The following BFSP1 variants were observed in gnomAD, a reference collection of about 807,000 sequenced individuals.
BFSP1 encodes the protein beaded filament structural protein 1, also known as filensin.
BFSP1 carries 38 observed loss-of-function variants against 43.9 expected under a neutral mutation model. The ratio of observed to expected loss-of-function variants is 0.87; its 90% CI spans 0.67 to 1.14. The LOEUF is 1.14. Ranked by LOEUF, BFSP1 falls within the 50% of genes most tolerant of loss-of-function variation. The probability of loss-of-function intolerance (pLI) is 0.00; values close to 1 mark genes in which losing one functional copy is unlikely to be tolerated. For synonymous variants in BFSP1, 352 were observed against 354.8 expected, an observed-to-expected ratio of 0.99 and a Z score of 0.09; for missense variants, 850 against 875.1, an observed-to-expected ratio of 0.97 and a Z score of 0.36.
In BFSP1 at chr20:17,529,090, T is replaced by TGTGTGTGTGTGTGTGTGTGTGA. The variant is rs577672397; in HGVS notation, c.377+1862_377+1863insTCACACACACACACACACACAC. ...GTGTGTGTGTGTGTGTGTGTGTGTGTGAGACAGAGTCTCACTCTGTCACCC... is the reference window on the plus strand; with the variant it reads ...GTGTGTGTGTGTGTGTGTGTGTGTGTGTGTGTGTGTGTGTGTGTGTGAGAGACAGAGTCTCACTCTGTCACCC... On this transcript the variant is annotated intron_variant, in intron 1 of 7. Coordinates refer to ENST00000377873, the MANE Select transcript of BFSP1 (RefSeq NM_001195.5). Among the ~76,000 whole-genome samples, 893 of 151,570 alleles carry TGTGTGTGTGTGTGTGTGTGTGA rather than the reference T, an allele frequency of 5.9e-3. 7 individuals are homozygous for TGTGTGTGTGTGTGTGTGTGTGA. The highest frequency in any genetic ancestry group is 0.02 in the African/African-American group (838 of 41,028).
chr20:17,564,541 A>G (rs1178077527), intron 1 of BFSP1, among the ~76,000 whole-genome samples: 2 of 152,098 alleles, frequency 1.3e-5, no homozygotes, highest in Non-Finnish European at 2.9e-5. Context: ...AACTAAACAC[A>G]ACCCTTACTA....
chr20:17,496,949 GA>G lies in BFSP1; in HGVS notation c.1030del (p.Ser344ProfsTer13). On this transcript the variant is annotated frameshift_variant, in exon 7 of 8. Coordinates refer to ENST00000377873, the MANE Select transcript of BFSP1 (RefSeq NM_001195.5). LOFTEE classifies it low-confidence loss of function (END_TRUNC). ...TTGGGGAGCGTTACCTTTCCCACCG[GA>G]TCCAGTGCTGAGAGAGACTCCATGG... ...QSHGVSLSTG[S>X]GGKDLTRALQ... The G allele has an allele frequency of 6.5e-7, 1 of 1,538,790 alleles. No individual in the cohort carries two copies. The highest frequency in any genetic ancestry group is 8.7e-7 in the Non-Finnish European group (1 of 1,143,612).
At chr20:17,535,366 TAAAAATACA>T (rs2034609965), upstream of BFSP1, among the ~76,000 whole-genome samples, 1 of 152,116 alleles carries the variant, frequency 6.6e-6, no homozygotes, top group South Asian at 2.1e-4. Flanking sequence ...CCATCTGTAC[TAAAAATACA>T]AAAAAATTAG....
chr20:17,516,044 T>C (rs572267446), intron 2 of BFSP1, among the ~76,000 whole-genome samples: 3 of 152,266 alleles, frequency 2.0e-5, no homozygotes, highest in South Asian at 2.1e-4. Flanking sequence ...GAAAGGCACT[T>C]GGGGCCGGGT....
intron 1 of BFSP1, among the ~76,000 whole-genome samples, chr20:17,540,137 G>A (rs2034693182): frequency 6.6e-6 from 1 of 152,088 alleles, no homozygotes; most frequent in Non-Finnish European, 1.5e-5. Context: ...AGCAGGGTCT[G>A]GCCAAAATTC....
rs750119804 is a variant in BFSP1, at chr20:17,524,857, C to T, written c.429G>A (p.Arg143=). 9 of 1,613,912 alleles carry T rather than the reference C, an allele frequency of 5.6e-6. No individual in the cohort carries two copies. The highest frequency in any genetic ancestry group is 6.8e-6 in the Non-Finnish European group (8 of 1,179,932). Residue 143 remains arginine (R), a synonymous_variant, in exon 2 of 8, where the codon CGG becomes CGA. Transcript: ENST00000377873. ...CQLLLKEMLE[R]LNKEADEALL... ...GATGTGTTCCGCTCACCTTGTTAAG[C>T]CGTTCAAGCATTTCTTTTAGCAGGA...
At chr20:17,534,554 G>A (rs2034597343), upstream of BFSP1, among the ~76,000 whole-genome samples, 1 of 152,132 alleles carries the variant, frequency 6.6e-6, no homozygotes, top group South Asian at 2.1e-4. Flanking sequence ...ACCTGAATAT[G>A]TAGCCTATAT....
intron 5 of BFSP1, 64 bp from the exon 6 acceptor site, chr20:17,499,104 C>T (rs1777100961): frequency 6.9e-7 from 1 of 1,454,500 alleles, no homozygotes; most frequent in Non-Finnish European, 9.6e-7. Context: ...CAGACCTCAC[C>T]AGGAAAAGGA....
intron 1 of BFSP1, among the ~76,000 whole-genome samples, chr20:17,555,288 C>CAAAAAAAAAAAAA (rs929219257): frequency 2.3e-5 from 1 of 44,092 alleles, no homozygotes; most frequent in Non-Finnish European, 4.4e-5. Flanking sequence ...TCCTATCTCA[C>CAAAAAAAAAAAAA]AAAAAAAAAA....
At chr20:17,542,918 T>C (rs1172453070) in intron 1 of BFSP1, among the ~76,000 whole-genome samples, 1 of 152,164 alleles carries the variant, frequency 6.6e-6, no homozygotes, top group Non-Finnish European at 1.5e-5. Context: ...TATAAGTCAA[T>C]TTCAAAAACT....
chr20:17,542,652 T>C (rs1284991915), intron 1 of BFSP1, among the ~76,000 whole-genome samples: 2 of 152,154 alleles, frequency 1.3e-5, no homozygotes, highest in East Asian at 1.9e-4. Flanking sequence ...ACATTACCTA[T>C]GAATAATACC....
chr20:17,550,928 T>G (rs1487038735), intron 1 of BFSP1, among the ~76,000 whole-genome samples: 1 of 152,218 alleles, frequency 6.6e-6, no homozygotes, highest in African/African-American at 2.4e-5. Flanking sequence ...AAATGTGCCT[T>G]GCCAGTTTTA....
intron 3 of BFSP1, 53 bp downstream of exon 3, chr20:17,514,668 A>T (rs1305725847): frequency 3.2e-6 from 5 of 1,570,700 alleles, no homozygotes; most frequent in Middle Eastern, 1.7e-4. Flanking sequence ...GGCTTACCTG[A>T]TCAAACCCAA....
rs1454962252 is a variant in BFSP1 at position 17,525,664 on chromosome 20, C to T, written c.378-756G>A. 6.6e-6 allele frequency among the ~76,000 whole-genome samples: 1 copy of T among 152,184 alleles called. No individual in the cohort carries two copies. Among genetic ancestry groups the T allele is most frequent in the Non-Finnish European group, 1.5e-5 (1 of 68,028 alleles). On this transcript the variant is annotated intron_variant, in intron 1 of 7. Coordinates refer to ENST00000377873, the MANE Select transcript of BFSP1 (RefSeq NM_001195.5). The surrounding 1 kb of genome is among the most constrained non-coding windows in gnomAD (Gnocchi z 4.2). ...ACGTCCCTCTGGGGGAATTTTAACC[C>T]TAAAGAGAGAAGATTCCTTCCTAAA...
intron 4 of BFSP1, among the ~76,000 whole-genome samples, chr20:17,510,546 T>A (rs1001737996): frequency 2.0e-5 from 3 of 152,186 alleles, no homozygotes; most frequent in African/African-American, 7.2e-5. Flanking sequence ...TCCTCATGAA[T>A]GCCAAAAAAA....
chr20:17,496,912 A>C, intron 7 of BFSP1, 26 bp downstream of exon 7: 1 of 1,496,852 alleles, frequency 6.7e-7, no homozygotes, highest in Non-Finnish European at 8.9e-7. Flanking sequence ...AGAAAAAAAC[A>C]GAAGTCCAGT....
intron 5 of BFSP1, among the ~76,000 whole-genome samples, chr20:17,502,976 C>A (rs970381028): frequency 6.6e-6 from 1 of 152,136 alleles, no homozygotes; most frequent in Non-Finnish European, 1.5e-5. Flanking sequence ...CATAGAGGGG[C>A]CATGTGTTGA....
upstream of BFSP1, among the ~76,000 whole-genome samples, chr20:17,534,180 A>C (rs936817423): frequency 6.6e-6 from 1 of 152,242 alleles, no homozygotes. Context: ...TTCAAGAGAC[A>C]TGTTCGTAGA....
rs2035036162 is a variant in BFSP1 at position 17,558,748 on chromosome 20, C to T, written c.-59G>A. 2.1e-5 allele frequency: 32 copies of T among 1,549,946 alleles called. 1 individual carries two copies. The South Asian group carries it at 3.7e-4, about 18-fold the overall frequency. Reference sequence around the variant, plus strand: ...TTTGAAAATCCATTCAGCTCACATCCAAGGTGTGCTGCCTGCTGCCTGAGG... The same window carrying T: ...TTTGAAAATCCATTCAGCTCACATCTAAGGTGTGCTGCCTGCTGCCTGAGG... On this transcript the variant is annotated 5_prime_UTR_variant, in exon 1 of 8. Coordinates refer to the BFSP1 transcript ENST00000377868.
Sources: allele counts gnomAD v4.1 joint callset (sites outside exome capture counted in the v4.1 genomes callset), GRCh38; gene constraint gnomAD v4.1.1; non-coding constraint Gnocchi (gnomAD v3.1); transcripts MANE v1.5; gene names NCBI Gene and HGNC (gene_info 2026-07-23, HGNC 2026-07-21).